RNF38: variants seen among roughly 807,000 people sequenced by gnomAD.
RNF38 encodes E3 ubiquitin-protein ligase RNF38.
In RNF38, 15 loss-of-function variants were observed where a neutral mutation model predicts 67.2. The observed-to-expected ratio is 0.22, with a 90% CI of 0.15 to 0.34. The LOEUF is 0.34. RNF38 is among the 10% of genes least tolerant of loss of function. The pLI is 1.00. For synonymous variants in RNF38, 220 were observed against 218.8 expected (o/e 1.01, Z -0.05); for missense variants, 524 against 639.9 (o/e 0.82, Z 1.95).
intron 1 of RNF38, among the ~76,000 whole-genome samples, chr9:36,442,055 T>G (rs564367593): frequency 2.6e-5 from 4 of 152,168 alleles, no homozygotes; most frequent in Non-Finnish European, 5.9e-5. Context: ...CATCAATAGC[T>G]TCCTCCTACT....
chr9:36,395,333 T>G (rs1837435326), intron 1 of RNF38, among the ~76,000 whole-genome samples: 1 of 152,150 alleles, frequency 6.6e-6, no homozygotes, highest in African/African-American at 2.4e-5. Flanking sequence ...TTTCCTTTTT[T>G]TTTTTTCTCC....
intron 1 of RNF38, among the ~76,000 whole-genome samples, chr9:36,453,703 T>C (rs573968994): frequency 4.6e-5 from 7 of 152,064 alleles, no homozygotes; most frequent in Non-Finnish European, 8.8e-5. Flanking sequence ...TTTTAAAAAA[T>C]TTTTTGTAAA....
intron 10 of RNF38, 49 bp downstream of exon 10, chr9:36,344,783 T>A: frequency 1.3e-6 from 2 of 1,576,336 alleles, no homozygotes; most frequent in African/African-American, 2.7e-5. Context: ...TTTTATTTCA[T>A]AAAGGTAGAA....
intron 1 of RNF38, among the ~76,000 whole-genome samples, chr9:36,395,566 C>G (rs1160632609): frequency 6.6e-6 from 1 of 152,186 alleles, no homozygotes; most frequent in African/African-American, 2.4e-5. Context: ...GTCTGGTTAT[C>G]TGTAAAATAA....
At position 36,352,201 on chromosome 9, in the gene RNF38, G is replaced by A. The variant is rs557837674; in HGVS notation, c.1178+541C>T. The stretch of plus-strand genomic sequence containing the variant: ...TGTAATCCCAGCTACTTGGGAGGCC[G>A]AGGCAGGAAAATCGCTGGAACCTGG... On this transcript the variant is annotated intron_variant, in intron 8 of 11. Coordinates refer to ENST00000259605, the MANE Select transcript of RNF38 (RefSeq NM_022781.5). Among the ~76,000 whole-genome samples, 6 of 152,068 alleles carry A rather than the reference G, an allele frequency of 3.9e-5. No individual in the cohort carries two copies. The East Asian group carries it at 5.8e-4, about 15-fold the overall frequency.
chr9:36,462,537 G>C (rs1839757422), intron 1 of RNF38, among the ~76,000 whole-genome samples: 1 of 152,122 alleles, frequency 6.6e-6, no homozygotes, highest in African/African-American at 2.4e-5. Context: ...TCTTACCTCT[G>C]AACACTCCTG....
chr9:36,465,504 G>T (rs1028951868), intron 1 of RNF38, among the ~76,000 whole-genome samples: 1 of 151,954 alleles, frequency 6.6e-6, no homozygotes, highest in Non-Finnish European at 1.5e-5. Context: ...ACGCCACCAC[G>T]CCTGGCTGAT....
Position 36,455,692 on chromosome 9 carries a change from T to C in RNF38, n.242-31009A>G, listed in dbSNP as rs796544268. 1.1e-4 allele frequency among the ~76,000 whole-genome samples: 16 copies of C among 149,602 alleles called. No individual in the cohort carries two copies. The South Asian group carries it at 3.4e-3, about 32-fold the overall frequency. On this transcript the variant is annotated intron_variant and non_coding_transcript_variant, in intron 1 of 3. Transcript: ENST00000488058. The stretch of plus-strand genomic sequence containing the variant: ...CTGAGGCAGGAGAATCGCTTGAATC[T>C]GGGGGGCAGAGGTTGCAGTGAGCCG...
At chr9:36,342,517 CAAAACGTCACTT>C in intron 10 of RNF38, 93 bp from the exon 11 acceptor site, 1 of 780,200 alleles carries the variant, frequency 1.3e-6, no homozygotes, top group Non-Finnish European at 2.2e-6. Flanking sequence ...ATTCTGTTAT[CAAAACGTCACTT>C]AAATTTTTAA....
At chr9:36,453,445 C>T (rs566942841) in intron 1 of RNF38, among the ~76,000 whole-genome samples, 1 of 149,212 alleles carries the variant, frequency 6.7e-6, no homozygotes, top group Non-Finnish European at 1.5e-5. Context: ...TGCAATGGTG[C>T]GATCTCAGAT....
chr9:36,368,322 T>C (rs908960470), intron 4 of RNF38, among the ~76,000 whole-genome samples: 2 of 152,204 alleles, frequency 1.3e-5, no homozygotes, highest in African/African-American at 4.8e-5. Flanking sequence ...ACTACATAAA[T>C]GAGACCTTGC....
At chr9:36,433,326 C>T (rs1011887107) in intron 1 of RNF38, among the ~76,000 whole-genome samples, 4 of 151,666 alleles carry the variant, frequency 2.6e-5, no homozygotes, top group Admixed American at 2.6e-4. Context: ...ATGGATACCC[C>T]CCCCTTACCC....
chr9:36,376,502 G>C (rs1182714578), intron 2 of RNF38, among the ~76,000 whole-genome samples: 1 of 152,136 alleles, frequency 6.6e-6, no homozygotes, highest in Non-Finnish European at 1.5e-5. Flanking sequence ...CCATCAATAA[G>C]ACATCAATTC....
intron 1 of RNF38, among the ~76,000 whole-genome samples, chr9:36,456,428 TAA>T (rs2134356808): frequency 6.6e-6 from 1 of 152,356 alleles, no homozygotes; most frequent in South Asian, 2.1e-4. Flanking sequence ...CTGTGTGTTA[TAA>T]GTCACTAAAA....
chr9:36,471,042 T>C (rs147482808), intron 1 of RNF38, among the ~76,000 whole-genome samples: 6 of 152,326 alleles, frequency 3.9e-5, no homozygotes, highest in East Asian at 3.9e-4. Context: ...AGAATTGTAC[T>C]GTCTCACTGC....
chr9:36,485,925 G>GTTC, intron 1 of RNF38, among the ~76,000 whole-genome samples: 1 of 152,238 alleles, frequency 6.6e-6, no homozygotes, highest in Admixed American at 6.5e-5. Flanking sequence ...TTCTATAAAA[G>GTTC]TATAGCTGTC....
chr9:36,393,523 G>GTGTGTA (rs1554689616), intron 1 of RNF38, among the ~76,000 whole-genome samples: 5 of 83,570 alleles, frequency 6.0e-5, no homozygotes, highest in Non-Finnish European at 1.5e-4. Flanking sequence ...GTGTGTGTGT[G>GTGTGTA]GGGCAGGCAG....
At chr9:36,344,632 T>C (rs563526086) in intron 10 of RNF38, among the ~76,000 whole-genome samples, 200 bp downstream of exon 10, 86 of 152,374 alleles carry the variant, frequency 5.6e-4, no homozygotes, top group Middle Eastern at 6.8e-3. Flanking sequence ...TAATTAGCTC[T>C]ACATTGACTT....
At chr9:36,439,785 T>C (rs1336564052) in intron 1 of RNF38, among the ~76,000 whole-genome samples, 1 of 132,202 alleles carries the variant, frequency 7.6e-6, no homozygotes, top group African/African-American at 2.9e-5. Flanking sequence ...AGTGAGACTC[T>C]GTCTCAAAAA....
Sources: gnomAD v4.1 joint callset for allele counts (sites outside exome capture counted in the v4.1 genomes callset) on GRCh38, gnomAD v4.1.1 for gene constraint, MANE v1.5 for transcripts, NCBI Gene and HGNC (gene_info 2026-07-23, HGNC 2026-07-21) for gene names.